DNM3: variants seen among roughly 807,000 people sequenced by gnomAD.
The protein encoded by DNM3 is dynamin-3.
DNM3 carries 47 observed loss-of-function variants against 101.6 expected under a neutral mutation model. The ratio of observed to expected loss-of-function variants is 0.46; its 90% CI spans 0.37 to 0.59. DNM3 has a LOEUF of 0.59. DNM3 is among the 20% of genes least tolerant of loss of function. The probability of loss-of-function intolerance (pLI) is 0.00; values close to 1 mark genes in which losing one functional copy is unlikely to be tolerated. For missense variants in DNM3, 849 were observed against 1,085.7 expected (o/e 0.78, Z 3.06); for synonymous variants, 385 against 387.9 (o/e 0.99, Z 0.09).
intron 10 of DNM3, among the ~76,000 whole-genome samples, chr1:172,061,985 A>G (rs1324718319): frequency 6.6e-6 from 1 of 152,234 alleles, no homozygotes; most frequent in African/African-American, 2.4e-5. Flanking sequence ...CCAGGCTTCG[A>G]ATCAGACTGG....
intron 1 of DNM3, among the ~76,000 whole-genome samples, chr1:171,884,415 T>TAA (rs1553284207): frequency 2.0e-5 from 3 of 152,250 alleles, no homozygotes; most frequent in Non-Finnish European, 4.4e-5. Flanking sequence ...ATGTTATCTT[T>TAA]AGGTCTGCTA....
chr1:171,882,682 A>C (rs1476903702), intron 1 of DNM3, among the ~76,000 whole-genome samples: 3 of 152,110 alleles, frequency 2.0e-5, no homozygotes, highest in African/African-American at 7.2e-5. Context: ...ATGTCTTTTA[A>C]ATTTTTAATC....
intron 17 of DNM3, among the ~76,000 whole-genome samples, chr1:172,327,962 T>G (rs2066007823): frequency 6.6e-6 from 1 of 152,164 alleles, no homozygotes; most frequent in African/African-American, 2.4e-5. Flanking sequence ...CTCACTTTAA[T>G]AGTAAACTGT....
In DNM3 at chr1:172,387,260, T is replaced by G. The variant is rs1266594362; in HGVS notation, c.2186T>G (p.Leu729Arg). 4 of 1,613,830 alleles carry G rather than the reference T, an allele frequency of 2.5e-6. No individual in the cohort carries two copies. The Admixed American group carries it at 6.7e-5, about 27-fold the overall frequency. The part of the protein sequence containing the change: ...RDEMLRMYQA[L>R]KEALGIIGDI... ...GAGATGCTTCGAATGTATCAAGCAC[T>G]GAAAGAAGCCCTTGGGATAATTGGG... The change falls in exon 19 of 21, where the codon CTG becomes CGG. Residue 729 changes from leucine (L) to arginine (R), a missense_variant. Leu to Arg is a moderately radical substitution (Grantham distance 102). This residue lies in a region of DNM3 where 256 missense variants were observed against 311.7 expected (regional missense o/e 0.82). Transcript: ENST00000627582.
chr1:171,991,663 A>T (rs1268680662), intron 4 of DNM3, among the ~76,000 whole-genome samples: 1 of 152,182 alleles, frequency 6.6e-6, no homozygotes, highest in Admixed American at 6.6e-5. Flanking sequence ...GCTATTGGTG[A>T]TCAACTTAAA....
At chr1:172,166,618 C>T (rs540574332) in intron 14 of DNM3, among the ~76,000 whole-genome samples, 7 of 151,974 alleles carry the variant, frequency 4.6e-5, no homozygotes, top group Non-Finnish European at 5.9e-5. Flanking sequence ...AAGTATCTAG[C>T]GCAAGCAAGG....
chr1:172,241,721 T>C (rs1031803664), intron 14 of DNM3, among the ~76,000 whole-genome samples: 2 of 152,080 alleles, frequency 1.3e-5, no homozygotes, highest in African/African-American at 2.4e-5. Context: ...CACTGTAGCC[T>C]CTGGATCCAG....
At chr1:172,142,764 T>C (rs542236124) in intron 14 of DNM3, among the ~76,000 whole-genome samples, 1 of 151,112 alleles carries the variant, frequency 6.6e-6, no homozygotes, top group East Asian at 1.9e-4. Flanking sequence ...CCAGAAAATT[T>C]GAGAAAAACA....
intron 15 of DNM3, among the ~76,000 whole-genome samples, chr1:172,271,351 T>C (rs2063077110): frequency 6.6e-6 from 1 of 152,190 alleles, no homozygotes; most frequent in Non-Finnish European, 1.5e-5. Context: ...TATTCATTTA[T>C]TTAAAACTAA....
chr1:172,042,273 G>T, intron 8 of DNM3, 129 bp downstream of exon 8: 1 of 854,722 alleles, frequency 1.2e-6, no homozygotes, highest in Non-Finnish European at 1.6e-6. Flanking sequence ...TCCATATTCA[G>T]GTAATGAAAT....
Position 172,162,131 on chromosome 1 carries a change from A to C in DNM3, c.1659+30843A>C, listed in dbSNP as rs151245058. Among the ~76,000 whole-genome samples, 390 of 152,258 alleles carry C rather than the reference A, an allele frequency of 2.6e-3. 4 individuals are homozygous for C. The highest frequency in any genetic ancestry group is 0.019 in the East Asian group (97 of 5,160). On this transcript the variant is annotated intron_variant, in intron 14 of 20. Coordinates refer to ENST00000627582, the MANE Select transcript of DNM3 (RefSeq NM_015569.5). ...TGGACTTATGTTAGTAAATATTTTT[A>C]TAATAGTAGGAAACATAGGAATATG...
chr1:172,225,134 CTTTTTTTTTTTTT>C (rs1168334078), intron 14 of DNM3, among the ~76,000 whole-genome samples: 1 of 65,520 alleles, frequency 1.5e-5, no homozygotes, highest in Non-Finnish European at 2.7e-5. Flanking sequence ...TCTTCTTCCT[CTTTTTTTTTTTTT>C]TTTTTTTTTT....
intron 15 of DNM3, among the ~76,000 whole-genome samples, chr1:172,265,249 T>C (rs1175318898): frequency 7.9e-6 from 1 of 127,360 alleles, no homozygotes; most frequent in Non-Finnish European, 1.6e-5. Flanking sequence ...TTTAACATCC[T>C]TTAAAAAAAA....
intron 14 of DNM3, among the ~76,000 whole-genome samples, chr1:172,237,296 T>C (rs2061581229): frequency 1.3e-5 from 2 of 152,138 alleles, no homozygotes. Context: ...GTTAGTATTA[T>C]TATCCCTGCT....
intron 1 of DNM3, among the ~76,000 whole-genome samples, chr1:171,919,818 T>G (rs374381990): frequency 1.1e-4 from 16 of 152,318 alleles, no homozygotes; most frequent in Middle Eastern, 3.4e-3. Flanking sequence ...GTAGTTTATC[T>G]TCCCTTCTTT....
chr1:172,124,566 T>C (rs922213109), intron 13 of DNM3, among the ~76,000 whole-genome samples: 8 of 152,196 alleles, frequency 5.3e-5, no homozygotes, highest in African/African-American at 1.9e-4. Context: ...CATTCTCCCC[T>C]CTATCTCATT....
chr1:172,389,617 A>C (rs933279610), intron 20 of DNM3, among the ~76,000 whole-genome samples: 2 of 152,202 alleles, frequency 1.3e-5, no homozygotes, highest in African/African-American at 4.8e-5. Flanking sequence ...AATCAGAAAT[A>C]TAAAGAGGAA....
intron 13 of DNM3, among the ~76,000 whole-genome samples, chr1:172,130,966 C>G (rs2056905099): frequency 6.6e-6 from 1 of 152,134 alleles, no homozygotes; most frequent in Non-Finnish European, 1.5e-5. Context: ...GATTTTTATT[C>G]CATTCATTGA....
At chr1:171,885,091 T>C (rs927566582) in intron 1 of DNM3, among the ~76,000 whole-genome samples, 7 of 152,138 alleles carry the variant, frequency 4.6e-5, no homozygotes, top group African/African-American at 1.2e-4. Context: ...CCCCTCAAAC[T>C]TGGGTAAACT....
Sources: allele counts gnomAD v4.1 joint callset (sites outside exome capture counted in the v4.1 genomes callset), GRCh38; gene constraint gnomAD v4.1.1; regional missense constraint gnomAD v4.1.1; transcripts MANE v1.5; gene names NCBI Gene and HGNC (gene_info 2026-07-23, HGNC 2026-07-21).